DNAI7: variants seen among roughly 807,000 people sequenced by gnomAD.
DNAI7 encodes dynein axonemal intermediate chain 7.
In DNAI7, 78 loss-of-function variants were observed where a neutral mutation model predicts 86.6. The observed-to-expected ratio is 0.90, with a 90% CI of 0.75 to 1.09. The LOEUF (loss-of-function observed/expected upper bound fraction) is 1.09, where lower values mean the gene tolerates loss of function less well. Among genes scored for constraint, DNAI7 ranks in the 50% least tolerant of loss-of-function variants. The pLI is 0.00. For synonymous variants in DNAI7, 274 were observed against 273.0 expected, an observed-to-expected ratio of 1.00 and a Z score of -0.04; for missense variants, 753 against 810.2, an observed-to-expected ratio of 0.93 and a Z score of 0.86.
At chr12:25,123,873 G>A (rs1285473035) in intron 9 of DNAI7, among the ~76,000 whole-genome samples, 4 of 152,146 alleles carry the variant, frequency 2.6e-5, no homozygotes, top group African/African-American at 7.2e-5. Flanking sequence ...GTATTTAACT[G>A]TGTATCAGAC....
At chr12:25,109,918 T>A (rs1357993841) in intron 15 of DNAI7, among the ~76,000 whole-genome samples, 1 of 152,200 alleles carries the variant, frequency 6.6e-6, no homozygotes, top group African/African-American at 2.4e-5. Context: ...CCTCAGGTGA[T>A]CTGCCCACCT....
intron 1 of DNAI7, 95 bp from the exon 2 acceptor site, chr12:25,190,726 T>C (rs975953678): frequency 6.5e-6 from 4 of 615,534 alleles, no homozygotes; most frequent in South Asian, 3.4e-5. Context: ...TAGAAGAAGC[T>C]TGGTAAAGGG....
Position 25,114,705 on chromosome 12 carries a change from A to G in DNAI7, c.1562T>C (p.Val521Ala), listed in dbSNP as rs1467262758. 6.2e-7 allele frequency: 1 copy of G among 1,613,764 alleles called. No individual in the cohort carries two copies. Among genetic ancestry groups the G allele is most frequent in the South Asian group, 1.1e-5 (1 of 91,068 alleles). The change falls in exon 13 of 16, where the codon GTA becomes GCA. Residue 521 changes from valine to alanine, a missense_variant. Physicochemically the swap from Val to Ala is moderately conservative, Grantham distance 64. Coordinates refer to ENST00000395987, the MANE Select transcript of DNAI7 (RefSeq NM_018272.5). The stretch of plus-strand genomic sequence containing the variant: ...AAATACTGTAGTCACAGTTAAAAGT[A>G]CTTTATTTACATCAAGTGGTCTTAG... Reference protein sequence around the residue: ...WELRPLDVNKVLLTVTTVFTE... With the variant: ...WELRPLDVNKALLTVTTVFTE...
Position 25,136,064 on chromosome 12 carries a change from C to T in DNAI7, c.1002+8301G>A, listed in dbSNP as rs535947876. Among the ~76,000 whole-genome samples the T allele has an allele frequency of 5.9e-5, 9 of 152,280 alleles. No individual in the cohort carries two copies. In the South Asian group the frequency reaches 1.2e-3, roughly 21 times the overall value. On this transcript the variant is annotated intron_variant, in intron 9 of 15. Transcript: ENST00000395987. ...ACCGCAGCTGATGCCCTCTTGAAAG[C>T]GCCACCTCCTGGCTGAAGGCCAACA...
At position 25,110,245 on chromosome 12, in the gene DNAI7, C is replaced by T; in HGVS notation, c.1780-5G>A. On this transcript the variant is annotated splice_polypyrimidine_tract_variant and splice_region_variant and intron_variant, in intron 14 of 15. Coordinates refer to ENST00000395987, the MANE Select transcript of DNAI7 (RefSeq NM_018272.5). ...TTTCACTTCTACCAAAGGAACCTGT[C>T]AATATAAAAACAAATAGAATTGATC... 1 of 1,520,652 alleles carries T rather than the reference C, an allele frequency of 6.6e-7. No homozygotes were observed. The highest frequency in any genetic ancestry group is 9.1e-7 in the Non-Finnish European group (1 of 1,096,998). The allele number at this position is 1,520,652 out of a possible 1,614,324, so 94.2% of individuals were successfully genotyped here.
chr12:25,171,059 C>A (rs1390144396), intron 2 of DNAI7, among the ~76,000 whole-genome samples: 1 of 151,896 alleles, frequency 6.6e-6, no homozygotes, highest in African/African-American at 2.4e-5. Flanking sequence ...AAGGTCACAC[C>A]TCAAGTAACT....
At position 25,111,879 on chromosome 12, in the gene DNAI7, C is replaced by T. The variant is rs1565615032; in HGVS notation, c.1672G>A (p.Glu558Lys). The T allele has an allele frequency of 6.2e-7, 1 of 1,606,610 alleles. No homozygotes were observed. The highest frequency in any genetic ancestry group is 8.5e-7 in the Non-Finnish European group (1 of 1,175,866). ...GGAATAGGAGTCATCCAGGTTCCTTCCAAAATAGAGATGTGTTTCTTGTCT... is the reference window on the plus strand; with the variant it reads ...GGAATAGGAGTCATCCAGGTTCCTTTCAAAATAGAGATGTGTTTCTTGTCT... ...LKDKKHISIL[E>K]GTWMTPIPFI... is the part of the protein sequence containing the mutation. Residue 558 changes from glutamate (E) to lysine (K), a missense_variant, in exon 14 of 16, where the codon GAA (glutamate) becomes AAA (lysine). By Grantham distance (56) the Glu-to-Lys change is moderately conservative. Transcript: ENST00000395987.
At chr12:25,111,182 T>C (rs531090524) in intron 14 of DNAI7, among the ~76,000 whole-genome samples, 2 of 152,224 alleles carry the variant, frequency 1.3e-5, no homozygotes, top group African/African-American at 2.4e-5. Context: ...TCTTCATATA[T>C]CACAAATGTT....
In DNAI7 at chr12:25,112,025, T is replaced by C. The variant is rs117970068; in HGVS notation, c.1612-86A>G. On this transcript the variant is annotated intron_variant, in intron 13 of 15. Coordinates refer to ENST00000395987, the MANE Select transcript of DNAI7 (RefSeq NM_018272.5). Reference sequence around the variant, plus strand: ...CCAGGTGCAGCCTTTAGATGCTTTATACATTTTTAAAAGTCATCTATCACT... The same window carrying C: ...CCAGGTGCAGCCTTTAGATGCTTTACACATTTTTAAAAGTCATCTATCACT... The C allele has an allele frequency of 3.2e-3, 2,556 of 809,300 alleles. 5 individuals are homozygous for C. Among genetic ancestry groups the C allele is most frequent in the Non-Finnish European group, 3.8e-3 (2,039 of 539,320 alleles). The allele number at this position is 809,300 out of a possible 1,614,324, so 50.1% of individuals were successfully genotyped here.
chr12:25,128,943 C>T (rs73081729), intron 9 of DNAI7, among the ~76,000 whole-genome samples: 1,805 of 152,294 alleles, frequency 0.012, 29 homozygotes, highest in South Asian at 0.058. Flanking sequence ...ACTACATTTA[C>T]AATAAAAGCC....
chr12:25,182,347 C>CAAA (rs1172587693), intron 2 of DNAI7, among the ~76,000 whole-genome samples: 4 of 63,238 alleles, frequency 6.3e-5, no homozygotes, highest in Non-Finnish European at 1.1e-4. Context: ...AACTTCATCT[C>CAAA]AAAAAAAAAA....
At chr12:25,143,788 C>G (rs1944493387) in intron 9 of DNAI7, among the ~76,000 whole-genome samples, 1 of 152,100 alleles carries the variant, frequency 6.6e-6, no homozygotes. Flanking sequence ...GAAAGTATTA[C>G]TAAATTCTTA....
chr12:25,133,377 C>T (rs1943161224), intron 9 of DNAI7, among the ~76,000 whole-genome samples: 1 of 152,188 alleles, frequency 6.6e-6, no homozygotes, highest in Non-Finnish European at 1.5e-5. Flanking sequence ...TTTTGAGCTG[C>T]TGATTGTCTT....
chr12:25,134,957 GGCAGATA>G (rs1943371081), intron 9 of DNAI7, among the ~76,000 whole-genome samples: 2 of 152,144 alleles, frequency 1.3e-5, no homozygotes, highest in Non-Finnish European at 2.9e-5. Context: ...TAGGAAAAAT[GGCAGATA>G]TGAGGCAGGA....
downstream of DNAI7, among the ~76,000 whole-genome samples, chr12:25,107,405 GGA>G (rs967946542): frequency 1.1e-4 from 17 of 152,260 alleles, no homozygotes; most frequent in Admixed American, 9.8e-4. Flanking sequence ...GGCATCCACT[GGA>G]GGTCTTGGAG....
At chr12:25,173,507 T>G (rs1160652103) in intron 2 of DNAI7, among the ~76,000 whole-genome samples, 4 of 152,054 alleles carry the variant, frequency 2.6e-5, no homozygotes, top group Non-Finnish European at 5.9e-5. Flanking sequence ...CAGGTGGGAA[T>G]GCAAACTAGT....
At chr12:25,176,028 C>T (rs772081600) in intron 2 of DNAI7, among the ~76,000 whole-genome samples, 12 of 151,836 alleles carry the variant, frequency 7.9e-5, no homozygotes, top group Non-Finnish European at 1.6e-4. Flanking sequence ...TGCAGGGAGC[C>T]GAGATCATGC....
chr12:25,167,480 C>T (rs894786011), intron 2 of DNAI7, among the ~76,000 whole-genome samples: 1 of 152,150 alleles, frequency 6.6e-6, no homozygotes, highest in African/African-American at 2.4e-5. Context: ...CATTCCCATT[C>T]TTATGCCACC....
Position 25,147,491 on chromosome 12 carries a change from A to T in DNAI7, c.586-387T>A, listed in dbSNP as rs529131603. ...ACATAATGAGACCACCCCCATCTCT[A>T]CAAAAAATTAGCTGGGTGTGGTGGT... On this transcript the variant is annotated intron_variant, in intron 7 of 15. Coordinates refer to ENST00000395987, the MANE Select transcript of DNAI7 (RefSeq NM_018272.5). Among the ~76,000 whole-genome samples the T allele has an allele frequency of 2.3e-4, 33 of 143,270 alleles. 1 individual carries two copies. In the South Asian group the frequency reaches 7.1e-3, roughly 31 times the overall value. The allele number at this position is 143,270 out of a possible 152,430, so 94.0% of individuals were successfully genotyped here.
Sources: allele counts gnomAD v4.1 joint callset (sites outside exome capture counted in the v4.1 genomes callset), GRCh38; gene constraint gnomAD v4.1.1; transcripts MANE v1.5; gene names NCBI Gene and HGNC (gene_info 2026-07-23, HGNC 2026-07-21).